ACTR3B: variants seen among roughly 807,000 people sequenced by gnomAD.
ACTR3B encodes actin-related protein 3B.
ACTR3B carries 8 observed loss-of-function variants against 59.0 expected under a neutral mutation model. That is an observed-to-expected ratio of 0.14 (90% CI 0.08 to 0.24). The LOEUF is 0.24. Among genes scored for constraint, ACTR3B ranks in the 10% least tolerant of loss-of-function variants. The pLI, the probability that ACTR3B is intolerant of heterozygous loss-of-function variation, is 1.00. For synonymous variants in ACTR3B, 148 were observed against 197.9 expected, an observed-to-expected ratio of 0.75 and a Z score of 2.12; for missense variants, 245 against 552.3, an observed-to-expected ratio of 0.44 and a Z score of 5.58.
Position 152,854,312 on chromosome 7 carries a change from C to T in ACTR3B, c.1162-146C>T. ...TAACTCCCCATTTAGTAGTTTAGTACATCAGAGAGGTAAAATCTTGCAGCA... is the reference window on the plus strand; with the variant it reads ...TAACTCCCCATTTAGTAGTTTAGTATATCAGAGAGGTAAAATCTTGCAGCA... On this transcript the variant is annotated intron_variant, in intron 11 of 11. Transcript: ENST00000256001. The surrounding 1 kb of genome is among the most constrained non-coding windows in gnomAD (Gnocchi z 4.9). The T allele has an allele frequency of 4.3e-6, 3 of 690,248 alleles. No homozygotes were observed. The highest frequency in any genetic ancestry group is 5.1e-5 in the East Asian group (2 of 39,178). The allele number at this position is 690,248 out of a possible 1,614,324, so 42.8% of individuals were successfully genotyped here. A position where few individuals can be genotyped will look rare whatever the true frequency, so the allele number is the denominator to read the frequency against.
intron 2 of ACTR3B, among the ~76,000 whole-genome samples, chr7:152,790,993 C>A (rs1196348168): frequency 6.6e-6 from 1 of 150,602 alleles, no homozygotes. Flanking sequence ...GACTGCAGAG[C>A]TTGTTAGAAA....
intron 4 of ACTR3B, among the ~76,000 whole-genome samples, chr7:152,807,211 G>T (rs1382864948): frequency 6.6e-6 from 1 of 152,202 alleles, no homozygotes; most frequent in Non-Finnish European, 1.5e-5. Flanking sequence ...CAGTAGAATT[G>T]TAAGTATAGA....
chr7:152,788,859 TA>T (rs1177652462), intron 2 of ACTR3B, among the ~76,000 whole-genome samples: 2 of 152,026 alleles, frequency 1.3e-5, no homozygotes, highest in African/African-American at 4.8e-5. Flanking sequence ...TTGTCTCTAC[TA>T]AAAAATACAA....
chr7:152,791,501 G>A (rs2098196138), intron 2 of ACTR3B, among the ~76,000 whole-genome samples: 1 of 152,256 alleles, frequency 6.6e-6, no homozygotes, highest in East Asian at 1.9e-4. Flanking sequence ...TGCCCCCAAA[G>A]GTTACATCTT....
intron 4 of ACTR3B, chr7:152,811,826 T>C (rs1293259432): frequency 6.6e-6 from 1 of 150,440 alleles, no homozygotes; most frequent in Non-Finnish European, 1.5e-5. Context: ...AGTGTTAACA[T>C]TTATAACTTT....
rs1253255269 is a variant in ACTR3B at position 152,759,763 on chromosome 7, C to A, written c.-120C>A. ...GTCGGCCGCCGAGCATCCGGGCTCC[C>A]GGCAGCGGCGCTGCGGCGGCTCGCG... On this transcript the variant is annotated 5_prime_UTR_variant, in exon 1 of 12. Transcript: ENST00000256001. 1.3e-6 allele frequency: 1 copy of A among 795,314 alleles called. No homozygotes were observed. Among genetic ancestry groups the A allele is most frequent in the Non-Finnish European group, 1.6e-6 (1 of 636,604 alleles). The allele number at this position is 795,314 out of a possible 1,614,324, so 49.3% of individuals were successfully genotyped here. A position where few individuals can be genotyped will look rare whatever the true frequency, so the allele number is the denominator to read the frequency against.
chr7:152,835,827 C>T (rs1797409502), intron 9 of ACTR3B, among the ~76,000 whole-genome samples: 1 of 152,184 alleles, frequency 6.6e-6, no homozygotes, highest in Non-Finnish European at 1.5e-5. Context: ...AGTTCTGTCT[C>T]CCTACCCGAA....
intron 1 of ACTR3B, among the ~76,000 whole-genome samples, chr7:152,765,295 T>G (rs2098105776): frequency 6.6e-6 from 1 of 152,024 alleles, no homozygotes; most frequent in African/African-American, 2.4e-5. Context: ...TTTTGTATTT[T>G]TAATAGAGAC....
intron 1 of ACTR3B, among the ~76,000 whole-genome samples, chr7:152,771,825 C>T (rs1035274887): frequency 6.6e-6 from 1 of 152,170 alleles, no homozygotes; most frequent in African/African-American, 2.4e-5. Flanking sequence ...CCTATAATCC[C>T]AGCACTTTGG....
At chr7:152,813,443 GT>G (rs2116815898) in intron 4 of ACTR3B, 1 of 152,222 alleles carries the variant, frequency 6.6e-6, no homozygotes, top group South Asian at 2.1e-4. Flanking sequence ...GACGGTTATT[GT>G]TTTAAAATAG....
At chr7:152,765,041 T>C (rs906729288) in intron 1 of ACTR3B, among the ~76,000 whole-genome samples, 3 of 152,198 alleles carry the variant, frequency 2.0e-5, no homozygotes, top group African/African-American at 7.2e-5. Flanking sequence ...AGGACCTTGA[T>C]TGTACATTGT....
At chr7:152,786,037 C>A (rs2116638028) in intron 2 of ACTR3B, among the ~76,000 whole-genome samples, 1 of 5,832 alleles carries the variant, frequency 1.7e-4, no homozygotes, top group Admixed American at 1.3e-3. Context: ...GAAAGTTATT[C>A]CCTACTTTTT....
At chr7:152,784,756 A>G (rs1424834041) in intron 2 of ACTR3B, among the ~76,000 whole-genome samples, 1 of 151,946 alleles carries the variant, frequency 6.6e-6, no homozygotes, top group Non-Finnish European at 1.5e-5. Context: ...CCATGGTCTC[A>G]TCTCTGTGTC....
intron 10 of ACTR3B, among the ~76,000 whole-genome samples, chr7:152,853,269 G>T (rs1798976306): frequency 6.6e-6 from 1 of 152,058 alleles, no homozygotes; most frequent in African/African-American, 2.4e-5. Flanking sequence ...GGTGCTGCTT[G>T]CCGGGTGCAC....
chr7:152,759,969 G>A, intron 1 of ACTR3B, 43 bp downstream of exon 1: 2 of 1,313,842 alleles, frequency 1.5e-6, no homozygotes, highest in South Asian at 1.9e-5. Context: ...CCGCGGCCCC[G>A]CTCCCGGCCC....
chr7:152,852,507 G>GT (rs1213275676), intron 10 of ACTR3B, among the ~76,000 whole-genome samples: 1 of 152,204 alleles, frequency 6.6e-6, no homozygotes, highest in East Asian at 1.9e-4. Context: ...CCTGCCAGCA[G>GT]TTTCCTTTTG....
chr7:152,850,762 C>CTG (rs1798741414), intron 9 of ACTR3B, among the ~76,000 whole-genome samples: 1 of 150,704 alleles, frequency 6.6e-6, no homozygotes, highest in Admixed American at 6.6e-5. Context: ...CAGAAAAGTG[C>CTG]ATTTTTTTTT....
intron 1 of ACTR3B, among the ~76,000 whole-genome samples, chr7:152,778,338 C>T (rs1486593937): frequency 1.3e-5 from 2 of 151,166 alleles, no homozygotes; most frequent in Admixed American, 6.6e-5. Context: ...AGGGCTCAAG[C>T]GATTCTTGTG....
At chr7:152,764,953 A>G (rs2098103547) in intron 1 of ACTR3B, among the ~76,000 whole-genome samples, 2 of 152,176 alleles carry the variant, frequency 1.3e-5, no homozygotes, top group South Asian at 2.1e-4. Flanking sequence ...CGGGTAATTT[A>G]TAAAGAAAAG....
Sources: allele counts gnomAD v4.1 joint callset (sites outside exome capture counted in the v4.1 genomes callset), GRCh38; gene constraint gnomAD v4.1.1; non-coding constraint Gnocchi (gnomAD v3.1); transcripts MANE v1.5; gene names NCBI Gene and HGNC (gene_info 2026-07-23, HGNC 2026-07-21).